The following TMEM41A variants were observed in gnomAD, a reference collection of about 807,000 sequenced individuals.
TMEM41A encodes the protein transmembrane protein 41A.
TMEM41A carries 20 observed loss-of-function variants against 25.7 expected under a neutral mutation model. That is an observed-to-expected ratio of 0.78 (90% CI 0.55 to 1.13). The LOEUF (loss-of-function observed/expected upper bound fraction) is 1.13. Among genes scored for constraint, TMEM41A ranks in the 50% most tolerant of loss-of-function variants. TMEM41A has a pLI of 0.00. For missense variants in TMEM41A, 299 were observed against 314.3 expected, an observed-to-expected ratio of 0.95 and a Z score of 0.37; for synonymous variants, 133 against 139.6, an observed-to-expected ratio of 0.95 and a Z score of 0.33.
chr3:185,497,873 C>T (rs527743444), intron 1 of TMEM41A, among the ~76,000 whole-genome samples: 1 of 152,328 alleles, frequency 6.6e-6, no homozygotes, highest in South Asian at 2.1e-4. Flanking sequence ...AGGCACACTT[C>T]CATGCACTTT....
intron 3 of TMEM41A, 99 bp from the exon 4 acceptor site, chr3:185,494,860 C>G: frequency 7.2e-7 from 1 of 1,381,338 alleles, no homozygotes; most frequent in Non-Finnish European, 9.8e-7. Flanking sequence ...TTTACATAAT[C>G]TGTTCCCAAT....
chr3:185,497,071 GT>G lies in TMEM41A; in HGVS notation c.120-91del, dbSNP rs1327273320. The G allele has an allele frequency of 2.4e-5, 35 of 1,454,332 alleles. No homozygotes were observed. The African/African-American group carries it at 4.8e-4, about 20-fold the overall frequency. The allele number at this position is 1,454,332 out of a possible 1,614,324, so 90.1% of individuals were successfully genotyped here. On this transcript the variant is annotated intron_variant, in intron 1 of 4. Coordinates refer to ENST00000421852, the MANE Select transcript of TMEM41A (RefSeq NM_080652.4). ...TCGCTGTGTCTTCTTTTCAGAGTAG[GT>G]TTATAAATATGCCCATCATCTGATC...
rs185601297 is a variant in TMEM41A, at chr3:185,491,721, C to G, written c.611G>C (p.Gly204Ala). ...IPYNFICVQT[G>A]SILSTLTSLD... ...AGAGGTTAGGGTTGACAGGATGGAC[C>G]CTGTCTGCACACAGATGAAATTATA... Residue 204 changes from glycine to alanine, a missense_variant, in exon 5 of 5, where the codon GGG becomes GCG. Physicochemically the swap from Gly to Ala is moderately conservative, Grantham distance 60 (BLOSUM62 0). Transcript: ENST00000421852. 1.9e-5 allele frequency: 31 copies of G among 1,613,996 alleles called. No homozygotes were observed. The East Asian group carries it at 6.9e-4, about 36-fold the overall frequency.
At chr3:185,495,460 A>G in intron 2 of TMEM41A, 145 bp from the exon 3 acceptor site, 1 of 760,906 alleles carries the variant, frequency 1.3e-6, no homozygotes, top group Non-Finnish European at 2.1e-6. Flanking sequence ...TATTTTTAAG[A>G]AACAGGATCT....
chr3:185,495,429 A>C, intron 2 of TMEM41A, 114 bp from the exon 3 acceptor site: 1 of 952,520 alleles, frequency 1.0e-6, no homozygotes, highest in Non-Finnish European at 1.6e-6. Flanking sequence ...TTCCAGCTAA[A>C]ACCCAATTGC....
Position 185,494,661 on chromosome 3 carries a change from T to C in TMEM41A, c.536A>G (p.Asn179Ser), listed in dbSNP as rs1719048109. 12 of 1,611,708 alleles carry C rather than the reference T, an allele frequency of 7.4e-6. No homozygotes were observed. Among genetic ancestry groups the C allele is most frequent in the Non-Finnish European group, 1.0e-5 (12 of 1,179,204 alleles). The change falls in exon 4 of 5, where the codon AAC (asparagine) becomes AGC (serine). Residue 179 changes from asparagine (N) to serine (S), a missense_variant. Transcript: ENST00000421852. ...GAAGAAGAACTGCACGATGGGAATG[T>C]TCAGAATTGGGGCCGAGAGGTTCAA... The part of the protein sequence containing the change: ...WFLNLSAPIL[N>S]IPIVQFFFSV...
At chr3:185,495,478 T>A in intron 2 of TMEM41A, 163 bp from the exon 3 acceptor site, 1 of 682,484 alleles carries the variant, frequency 1.5e-6, no homozygotes, top group South Asian at 1.9e-5. Context: ...TCTCGCTCTG[T>A]CACCCAGGCT....
rs535552891 is a variant in TMEM41A at position 185,494,849 on chromosome 3, C to T, written c.436-88G>A. 6 of 1,424,646 alleles carry T rather than the reference C, an allele frequency of 4.2e-6. No individual in the cohort carries two copies. In the South Asian group the frequency reaches 4.4e-5, roughly 10 times the overall value. The allele number at this position is 1,424,646 out of a possible 1,614,324, so 88.3% of individuals were successfully genotyped here. A position where few individuals can be genotyped will look rare whatever the true frequency, so the allele number is the denominator to read the frequency against. On this transcript the variant is annotated intron_variant, in intron 3 of 4. Coordinates refer to ENST00000421852, the MANE Select transcript of TMEM41A (RefSeq NM_080652.4). ...CTGGTGCCAGGCACTGTTCTAGACA[C>T]TTTACATAATCTGTTCCCAATTCTT...
intron 1 of TMEM41A, chr3:185,498,569 A>G (rs1430049464): frequency 2.9e-6 from 1 of 350,390 alleles, no homozygotes; most frequent in Non-Finnish European, 5.2e-6. Flanking sequence ...AAATCCACCC[A>G]ACCAAAGGCA....
At chr3:185,498,664 T>C in intron 1 of TMEM41A, 179 bp downstream of exon 1, 2 of 567,562 alleles carry the variant, frequency 3.5e-6, no homozygotes, top group Non-Finnish European at 6.1e-6. Context: ...TCCACCCTTC[T>C]GTCCGAGACC....
rs145518564 is a variant in TMEM41A at position 185,489,909 on chromosome 3, C to T, written c.*1628G>A. The T allele has an allele frequency of 9.5e-4, 145 of 152,304 alleles. 1 individual carries two copies. Among genetic ancestry groups the T allele is most frequent in the African/African-American group, 3.4e-3 (140 of 41,574 alleles). The allele number at this position is 152,304 out of a possible 1,614,324, so 9.4% of individuals were successfully genotyped here. ...TCGGTGTGAAAGGATCATACCATAA[C>T]CAAAAACCATCACCTGGGGATGCAC... On this transcript the variant is annotated 3_prime_UTR_variant, in exon 5 of 5. Transcript: ENST00000421852.
chr3:185,494,624 G>C lies in TMEM41A; in HGVS notation c.573C>G (p.Ile191Met). 1.9e-6 allele frequency: 3 copies of C among 1,595,462 alleles called. No homozygotes were observed. The highest frequency in any genetic ancestry group is 2.6e-6 in the Non-Finnish European group (3 of 1,173,040). ...AAACCTACCCCACTAGCATCTTACC[G>C]ATAAGAACTGAGAAGAAGAACTGCA... ...PIVQFFFSVL[I>M]GLIPYNFICV... The change falls in exon 4 of 5, where the codon ATC becomes ATG. Residue 191 changes from isoleucine to methionine, a missense_variant and splice_region_variant. Coordinates refer to ENST00000421852, the MANE Select transcript of TMEM41A (RefSeq NM_080652.4).
rs1249130504 is a variant in TMEM41A, at chr3:185,491,716, T to C, written c.616A>G (p.Ile206Val). 6.2e-7 allele frequency: 1 copy of C among 1,614,192 alleles called. No individual in the cohort carries two copies. Among genetic ancestry groups the C allele is most frequent in the Non-Finnish European group, 8.5e-7 (1 of 1,180,028 alleles). The change falls in exon 5 of 5, where the codon ATC (isoleucine) becomes GTC (valine). Residue 206 changes from isoleucine (I) to valine (V), a missense_variant. Coordinates refer to ENST00000421852, the MANE Select transcript of TMEM41A (RefSeq NM_080652.4). Reference sequence around the variant, plus strand: ...TCCAGAGAGGTTAGGGTTGACAGGATGGACCCTGTCTGCACACAGATGAAA... The same window carrying C: ...TCCAGAGAGGTTAGGGTTGACAGGACGGACCCTGTCTGCACACAGATGAAA... ...YNFICVQTGS[I>V]LSTLTSLDAL...
intron 4 of TMEM41A, 80 bp downstream of exon 4, chr3:185,494,543 T>A: frequency 7.1e-7 from 1 of 1,402,472 alleles, no homozygotes; most frequent in Non-Finnish European, 9.4e-7. Context: ...AGCAGGCACA[T>A]GCTCACGTGG....
intron 2 of TMEM41A, 47 bp from the exon 3 acceptor site, chr3:185,495,362 C>T (rs752232147): frequency 6.3e-7 from 1 of 1,580,106 alleles, no homozygotes. Context: ...TGGCAGCTAC[C>T]AGGCACGTCA....
intron 1 of TMEM41A, 65 bp from the exon 2 acceptor site, chr3:185,497,046 T>A: frequency 6.6e-7 from 1 of 1,519,990 alleles, no homozygotes; most frequent in Non-Finnish European, 8.8e-7. Flanking sequence ...TGAAAGTCAC[T>A]CGCTGTGTCT....
At position 185,496,681 on chromosome 3, in the gene TMEM41A, G is replaced by C. The variant is rs188714532; in HGVS notation, c.273+147C>G. ...TCCCACTTCGGTGCTCAATCCCTCC[G>C]TAAGTGCTGAGGGCCACTGTGTGCC... On this transcript the variant is annotated intron_variant, in intron 2 of 4. Transcript: ENST00000421852. 40 of 1,005,512 alleles carry C rather than the reference G, an allele frequency of 4.0e-5. No homozygotes were observed. In the African/African-American group the frequency reaches 6.2e-4, roughly 16 times the overall value. 62.3% of individuals were successfully genotyped at this position (1,005,512 alleles called of 1,614,324 possible). A position where few individuals can be genotyped will look rare whatever the true frequency, so the allele number is the denominator to read the frequency against.
At chr3:185,497,594 C>G (rs1023500972) in intron 1 of TMEM41A, among the ~76,000 whole-genome samples, 1 of 152,244 alleles carries the variant, frequency 6.6e-6, no homozygotes, top group Non-Finnish European at 1.5e-5. Context: ...TACTATTTAA[C>G]TCTGCTCTTA....
Position 185,491,235 on chromosome 3 carries a change from A to T in TMEM41A, c.*302T>A. On this transcript the variant is annotated 3_prime_UTR_variant, in exon 5 of 5. Coordinates refer to ENST00000421852, the MANE Select transcript of TMEM41A (RefSeq NM_080652.4). ...CTGGTCTTGAACTCCTGACCTTGTG[A>T]ATCACCGGCCTCGGCCTCCCAAAGT... 1 of 227,176 alleles carries T rather than the reference A, an allele frequency of 4.4e-6. No homozygotes were observed. The highest frequency in any genetic ancestry group is 8.8e-6 in the Non-Finnish European group (1 of 114,264). 14.1% of individuals were successfully genotyped at this position (227,176 alleles called of 1,614,324 possible). A position where few individuals can be genotyped will look rare whatever the true frequency, so the allele number is the denominator to read the frequency against.
Sources: allele counts gnomAD v4.1 joint callset (sites outside exome capture counted in the v4.1 genomes callset), GRCh38; gene constraint gnomAD v4.1.1; transcripts MANE v1.5; gene names NCBI Gene and HGNC (gene_info 2026-07-23, HGNC 2026-07-21).